The following MCTP1 variants were observed in gnomAD, a reference collection of about 807,000 sequenced individuals.
The protein encoded by MCTP1 is multiple C2 and transmembrane domain-containing protein 1.
A neutral mutation model predicts 120.6 loss-of-function variants in MCTP1; 69 were observed. The ratio of observed to expected loss-of-function variants is 0.57; its 90% CI spans 0.47 to 0.70. The LOEUF (loss-of-function observed/expected upper bound fraction) is 0.70. MCTP1 is among the 30% of genes least tolerant of loss of function. The pLI, the probability that MCTP1 is intolerant of heterozygous loss-of-function variation, is 0.00. For missense variants in MCTP1, 1,203 were observed against 1,248.8 expected (o/e 0.96, Z 0.55); for synonymous variants, 529 against 493.1 (o/e 1.07, Z -0.96).
At chr5:95,125,724 A>T (rs1227139483) in intron 1 of MCTP1, among the ~76,000 whole-genome samples, 1 of 152,238 alleles carries the variant, frequency 6.6e-6, no homozygotes, top group Admixed American at 6.5e-5. Flanking sequence ...AAGGGTTTGA[A>T]ATAGTACTTG....
intron 1 of MCTP1, among the ~76,000 whole-genome samples, chr5:95,243,255 T>C (rs1456717876): frequency 2.0e-5 from 3 of 152,168 alleles, no homozygotes; most frequent in East Asian, 3.8e-4. Context: ...TGGAAAAATA[T>C]AAGTTTTCAG....
chr5:95,173,022 G>GT lies in MCTP1; in HGVS notation c.720+110833dup, dbSNP rs544381360. Reference sequence around the variant, plus strand: ...TTTTAGGAAAAGAAGTTGTTCTGATGTTTTTTTGTATAGTCTGTTGAACTG... The same window carrying GT: ...TTTTAGGAAAAGAAGTTGTTCTGATGTTTTTTTTGTATAGTCTGTTGAACTG... On this transcript the variant is annotated intron_variant, in intron 1 of 22. Transcript: ENST00000515393. Among the ~76,000 whole-genome samples, 969 of 152,086 alleles carry GT rather than the reference G, an allele frequency of 6.4e-3. 34 individuals are homozygous for GT. Among genetic ancestry groups the GT allele is most frequent in the Admixed American group, 0.06 (909 of 15,274 alleles).
At chr5:95,211,914 G>C (rs1253893396) in intron 1 of MCTP1, among the ~76,000 whole-genome samples, 1 of 152,068 alleles carries the variant, frequency 6.6e-6, no homozygotes, top group South Asian at 2.1e-4. Context: ...TCAGCTGCAG[G>C]TCTGTTGGAG....
At chr5:94,894,919 T>C (rs1280256455) in intron 10 of MCTP1, 84 bp from the exon 11 acceptor site, 7 of 781,836 alleles carry the variant, frequency 9.0e-6, no homozygotes, top group Middle Eastern at 2.9e-4. Context: ...CTATGAAACA[T>C]AAATCAATAG....
chr5:94,806,313 TAAAC>T (rs745443374), intron 17 of MCTP1, among the ~76,000 whole-genome samples: 10 of 152,126 alleles, frequency 6.6e-5, no homozygotes, highest in Non-Finnish European at 1.3e-4. Flanking sequence ...AAATAAAGAT[TAAAC>T]AAACAAACAA....
At chr5:95,216,159 T>C (rs938667850) in intron 1 of MCTP1, among the ~76,000 whole-genome samples, 2 of 152,360 alleles carry the variant, frequency 1.3e-5, no homozygotes, top group Non-Finnish European at 2.9e-5. Context: ...CTATAATAAA[T>C]AGCATTTCGT....
chr5:95,078,950 G>C (rs755374782), intron 1 of MCTP1, among the ~76,000 whole-genome samples: 1 of 152,086 alleles, frequency 6.6e-6, no homozygotes, highest in East Asian at 1.9e-4. Flanking sequence ...TTTCATCTTG[G>C]AGAGAAATCC....
At chr5:95,050,600 T>C (rs1745643555) in intron 1 of MCTP1, among the ~76,000 whole-genome samples, 1 of 152,228 alleles carries the variant, frequency 6.6e-6, no homozygotes, top group Non-Finnish European at 1.5e-5. Flanking sequence ...TTCTCATTAC[T>C]CTGGCCCAAG....
At chr5:95,132,571 C>T (rs1248099798) in intron 1 of MCTP1, among the ~76,000 whole-genome samples, 1 of 152,150 alleles carries the variant, frequency 6.6e-6, no homozygotes, top group East Asian at 1.9e-4. Context: ...GGCGCAGTTG[C>T]CTTCTTACAG....
At chr5:94,881,162 GA>G (rs1440440600) in intron 12 of MCTP1, among the ~76,000 whole-genome samples, 1 of 152,132 alleles carries the variant, frequency 6.6e-6, no homozygotes, top group Non-Finnish European at 1.5e-5. Flanking sequence ...TCAATTAAGT[GA>G]GAGCACGTGG....
intron 7 of MCTP1, among the ~76,000 whole-genome samples, chr5:94,919,210 A>G (rs756708872): frequency 7.2e-5 from 11 of 152,246 alleles, no homozygotes; most frequent in Non-Finnish European, 1.6e-4. Flanking sequence ...AATAAATTAT[A>G]GTTCAATGTC....
intron 1 of MCTP1, among the ~76,000 whole-genome samples, chr5:95,018,835 G>A (rs1472188660): frequency 6.6e-6 from 1 of 151,874 alleles, no homozygotes; most frequent in Non-Finnish European, 1.5e-5. Flanking sequence ...CCACTCATTT[G>A]GATCAGGCCT....
intron 2 of MCTP1, among the ~76,000 whole-genome samples, chr5:94,995,855 G>C (rs1390447536): frequency 9.9e-5 from 15 of 152,090 alleles, no homozygotes; most frequent in Admixed American, 7.9e-4. Context: ...CTAGTTAATA[G>C]GTGTCTCAGT....
chr5:94,736,921 C>T, intron 19 of MCTP1, among the ~76,000 whole-genome samples: 1 of 152,158 alleles, frequency 6.6e-6, no homozygotes, highest in African/African-American at 2.4e-5. Flanking sequence ...CCATGCCAGG[C>T]ATAGGATAGA....
intron 12 of MCTP1, among the ~76,000 whole-genome samples, chr5:94,885,125 A>G (rs1381716229): frequency 6.6e-6 from 1 of 152,006 alleles, no homozygotes; most frequent in African/African-American, 2.4e-5. Context: ...GAGATGGTGC[A>G]TTAATTTGAG....
chr5:94,972,316 A>T (rs530073718), intron 2 of MCTP1, among the ~76,000 whole-genome samples: 20 of 152,136 alleles, frequency 1.3e-4, no homozygotes, highest in African/African-American at 4.8e-4. Context: ...GAGACTATGG[A>T]TCCTAATTTG....
chr5:94,740,074 C>A (rs899051025), intron 19 of MCTP1, among the ~76,000 whole-genome samples: 1 of 152,134 alleles, frequency 6.6e-6, no homozygotes, highest in African/African-American at 2.4e-5. Context: ...GAATCATACA[C>A]GTATTGGAAA....
intron 17 of MCTP1, chr5:94,867,221 T>A: frequency 7.1e-7 from 1 of 1,413,188 alleles, no homozygotes; most frequent in Non-Finnish European, 9.3e-7. Context: ...AGAGAGATTT[T>A]TTTTCTAAAA....
intron 1 of MCTP1, among the ~76,000 whole-genome samples, chr5:95,080,203 G>A (rs78573560): frequency 0.017 from 2,636 of 152,126 alleles, 73 homozygotes; most frequent in African/African-American, 0.061. Flanking sequence ...TACTTTTATG[G>A]CTCACTTCCC....
Sources: allele counts gnomAD v4.1 joint callset (sites outside exome capture counted in the v4.1 genomes callset), GRCh38; gene constraint gnomAD v4.1.1; transcripts MANE v1.5; gene names NCBI Gene and HGNC (gene_info 2026-07-23, HGNC 2026-07-21).